The following FGF13 variants were observed in gnomAD, a reference collection of about 807,000 sequenced individuals.
The protein encoded by FGF13 is fibroblast growth factor 13.
FGF13 carries 2 observed loss-of-function variants against 19.5 expected under a neutral mutation model. The ratio of observed to expected loss-of-function variants is 0.10; its 90% confidence interval spans 0.04 to 0.32. FGF13 has a LOEUF of 0.32. Ranked by LOEUF, FGF13 falls within the 10% of genes least tolerant of loss-of-function variation. FGF13 has a pLI of 1.00. For synonymous variants in FGF13, 72 were observed against 76.9 expected, an observed-to-expected ratio of 0.94 and a Z score of 0.33; for missense variants, 113 against 192.7, an observed-to-expected ratio of 0.59 and a Z score of 2.45.
intron 1 of FGF13, among the ~76,000 whole-genome samples, chrX:139,127,277 A>G (rs1181185445): frequency 9.0e-6 from 1 of 111,367 alleles, no homozygotes; most frequent in African/African-American, 3.3e-5. Flanking sequence ...GTGATTCTCA[A>G]TAGATAGGAG....
intron 3 of FGF13, among the ~76,000 whole-genome samples, chrX:138,826,218 G>A (rs2091033599): frequency 8.9e-6 from 1 of 111,807 alleles, no homozygotes; most frequent in Non-Finnish European, 1.9e-5. Context: ...CCATGGTGCT[G>A]TAACTCTAGT....
At chrX:138,929,854 CTGTGTGTGTG>C (rs577806507) in intron 1 of FGF13, among the ~76,000 whole-genome samples, 51,082 of 95,840 alleles carry the variant, frequency 0.53, 9,567 homozygotes, top group South Asian at 0.71. Context: ...ACTGCCTTAG[CTGTGTGTGTG>C]TGTGTGTGTG....
intron 1 of FGF13, among the ~76,000 whole-genome samples, chrX:139,048,284 A>G (rs756782404): frequency 9.4e-4 from 105 of 111,208 alleles, no homozygotes; most frequent in Non-Finnish European, 1.7e-3. Flanking sequence ...GATTCCCACA[A>G]ATACCTGGAT....
chrX:139,024,367 A>T (rs1368732417), intron 1 of FGF13, among the ~76,000 whole-genome samples: 1 of 110,901 alleles, frequency 9.0e-6, no homozygotes, highest in Admixed American at 9.6e-5. Context: ...CTCACCCATG[A>T]CTCGCTTTTA....
chrX:138,828,190 A>C (rs2124080666), intron 3 of FGF13, among the ~76,000 whole-genome samples: 1 of 112,215 alleles, frequency 8.9e-6, no homozygotes, highest in East Asian at 2.8e-4. Flanking sequence ...AATGTCTTTA[A>C]CCCAAAGTAA....
At chrX:139,057,192 C>A (rs2092322678) in intron 1 of FGF13, among the ~76,000 whole-genome samples, 1 of 111,073 alleles carries the variant, frequency 9.0e-6, no homozygotes, top group Non-Finnish European at 1.9e-5. Context: ...TTAGAAATGA[C>A]AGGAAAATAC....
Position 138,836,886 on chromosome X carries a change from T to G in FGF13, c.217+20626A>C, listed in dbSNP as rs531190369. On this transcript the variant is annotated intron_variant, in intron 3 of 6. Coordinates refer to the FGF13 transcript ENST00000436198. ...TGCTGACCTTTTGGTGGTGGGTTTT[T>G]TTTTTTTTTTCTTTAACAGTCTGGC... Among the ~76,000 whole-genome samples, 12 of 110,867 alleles carry G rather than the reference T, an allele frequency of 1.1e-4. No individual in the cohort carries two copies. In the South Asian group the frequency reaches 3.4e-3, roughly 31 times the overall value.
At chrX:138,678,315 T>C (rs1373126540) in intron 3 of FGF13, among the ~76,000 whole-genome samples, 2 of 111,323 alleles carry the variant, frequency 1.8e-5, no homozygotes, top group Non-Finnish European at 3.8e-5. Context: ...CATGTATACA[T>C]ATGTAACTAA....
rs1490622328 is a variant in FGF13, at chrX:138,616,672, T to G, written c.*16178A>C. On this transcript the variant is annotated 3_prime_UTR_variant, in exon 5 of 5. Transcript: ENST00000315930. Reference sequence around the variant, plus strand: ...GAGCTCCAACCCCACATTTCCCTTCTGCACTGCCCTAGCAGAGGTTCTCCC... The same window carrying G: ...GAGCTCCAACCCCACATTTCCCTTCGGCACTGCCCTAGCAGAGGTTCTCCC... 8.9e-6 allele frequency: 1 copy of G among 112,574 alleles called. No individual in the cohort carries two copies. The highest frequency in any genetic ancestry group is 3.7e-4 in the South Asian group (1 of 2,737). 9.3% of individuals were successfully genotyped at this position (112,574 alleles called of 1,213,427 possible).
intron 2 of FGF13, among the ~76,000 whole-genome samples, chrX:138,860,431 T>A (rs73241080): frequency 0.038 from 4,239 of 111,208 alleles, 85 homozygotes; most frequent in Non-Finnish European, 0.06. Context: ...ATCCAGCCCA[T>A]TAAGATAGGA....
intron 1 of FGF13, among the ~76,000 whole-genome samples, chrX:139,158,286 G>A (rs1255793589): frequency 9.0e-6 from 1 of 110,649 alleles, no homozygotes; most frequent in Non-Finnish European, 1.9e-5. Context: ...GGAAAGGGGG[G>A]TGCAGCCAGG....
chrX:139,114,643 C>T, intron 1 of FGF13, among the ~76,000 whole-genome samples: 1 of 111,714 alleles, frequency 9.0e-6, no homozygotes, highest in Middle Eastern at 4.6e-3. Flanking sequence ...TATGAGAGTT[C>T]AATAAGGACA....
At chrX:139,065,591 T>C (rs2092353098) in intron 1 of FGF13, among the ~76,000 whole-genome samples, 1 of 106,990 alleles carries the variant, frequency 9.3e-6, no homozygotes, top group Non-Finnish European at 1.9e-5. Context: ...CATTACATAA[T>C]GGTAAAGGGA....
chrX:139,129,571 T>G (rs2124477366), intron 1 of FGF13, among the ~76,000 whole-genome samples: 1 of 111,607 alleles, frequency 9.0e-6, no homozygotes, highest in East Asian at 2.8e-4. Context: ...ACAGATCTCT[T>G]GCGTCTGAAA....
chrX:138,770,387 A>G (rs1447678336), intron 3 of FGF13, among the ~76,000 whole-genome samples: 1 of 110,671 alleles, frequency 9.0e-6, no homozygotes, highest in Non-Finnish European at 1.9e-5. Context: ...ACTCAATTTC[A>G]GATCTCTGTG....
At chrX:139,146,537 T>C (rs1042224276) in intron 1 of FGF13, among the ~76,000 whole-genome samples, 2 of 111,995 alleles carry the variant, frequency 1.8e-5, no homozygotes, top group African/African-American at 6.5e-5. Context: ...GTAAACTAGT[T>C]AACCATTGTG....
intron 1 of FGF13, among the ~76,000 whole-genome samples, chrX:138,905,286 G>C (rs2091551828): frequency 1.8e-5 from 2 of 111,369 alleles, no homozygotes; most frequent in South Asian, 7.5e-4. Context: ...TCCTCTAAAA[G>C]GAATAATAAA....
chrX:138,958,138 T>G (rs1025960767), intron 1 of FGF13, among the ~76,000 whole-genome samples: 7 of 112,067 alleles, frequency 6.2e-5, no homozygotes, highest in African/African-American at 9.7e-5. Context: ...TTTTTGCCCA[T>G]TCAGTATGAT....
chrX:138,803,084 T>G (rs938541424), intron 3 of FGF13, among the ~76,000 whole-genome samples: 2 of 111,708 alleles, frequency 1.8e-5, no homozygotes, highest in African/African-American at 6.5e-5. Context: ...TTTACCCAAT[T>G]ATTCCTGCAT....
Sources: allele counts gnomAD v4.1 joint callset (sites outside exome capture counted in the v4.1 genomes callset), GRCh38; gene constraint gnomAD v4.1.1; transcripts MANE v1.5; gene names NCBI Gene and HGNC (gene_info 2026-07-23, HGNC 2026-07-21).